Variants in GALNT13 observed in about 807,000 individuals in gnomAD.
The protein encoded by GALNT13 is polypeptide N-acetylgalactosaminyltransferase 13, also known as UDP-GalNAc:polypeptide N-acetylgalactosaminyltransferase 13.
A neutral mutation model predicts 64.2 loss-of-function variants in GALNT13; 28 were observed. The observed-to-expected ratio is 0.44, with a 90% confidence interval of 0.32 to 0.60. The LOEUF (loss-of-function observed/expected upper bound fraction) is 0.60. Ranked by LOEUF, GALNT13 falls within the 20% of genes least tolerant of loss-of-function variation. The pLI, the probability that GALNT13 is intolerant of heterozygous loss-of-function variation, is 0.05. For missense variants in GALNT13, 577 were observed against 669.8 expected (o/e 0.86, Z 1.53); for synonymous variants, 214 against 224.6 (o/e 0.95, Z 0.42).
At chr2:153,394,346 A>G in the GALNT13 span, among the ~76,000 whole-genome samples, 1 of 152,142 alleles carries the variant, frequency 6.6e-6, no homozygotes, top group Non-Finnish European at 1.5e-5. Context: ...TTTTCCTCCT[A>G]GGTTTTACAA....
intron 4 of GALNT13, among the ~76,000 whole-genome samples, chr2:154,232,665 C>T (rs1219956840): frequency 6.6e-6 from 1 of 151,936 alleles, no homozygotes; most frequent in Non-Finnish European, 1.5e-5. Flanking sequence ...GGGTTTGAAA[C>T]CCAGCTCCAC....
intron 9 of GALNT13, among the ~76,000 whole-genome samples, chr2:154,382,800 A>T (rs1390201043): frequency 1.0e-4 from 15 of 144,460 alleles, no homozygotes; most frequent in Middle Eastern, 3.5e-3. Context: ...TTTTTTTTTT[A>T]AATATAAGTT....
chr2:153,962,797 C>T (rs1245641467), intron 3 of GALNT13, among the ~76,000 whole-genome samples: 1 of 152,154 alleles, frequency 6.6e-6, no homozygotes, highest in Non-Finnish European at 1.5e-5. Context: ...CTAGGCAGCC[C>T]ATTCCTCCAC....
chr2:153,812,337 G>A, the GALNT13 span, among the ~76,000 whole-genome samples: 6 of 152,074 alleles, frequency 3.9e-5, no homozygotes, highest in Admixed American at 2.0e-4. Context: ...CAAAATTATG[G>A]AACAATTTGT....
At chr2:153,545,947 C>G in the GALNT13 span, among the ~76,000 whole-genome samples, 1 of 152,164 alleles carries the variant, frequency 6.6e-6, no homozygotes, top group South Asian at 2.1e-4. Flanking sequence ...GGTTCCAGAG[C>G]CCTGTAATGT....
the GALNT13 span, among the ~76,000 whole-genome samples, chr2:153,272,536 A>T: frequency 3.3e-5 from 5 of 152,318 alleles, no homozygotes; most frequent in Non-Finnish European, 7.3e-5. Context: ...GGTCATTAGG[A>T]GAAATGCAAA....
intron 3 of GALNT13, among the ~76,000 whole-genome samples, chr2:154,138,675 G>C (rs985729537): frequency 6.6e-6 from 1 of 150,724 alleles, no homozygotes; most frequent in African/African-American, 2.4e-5. Flanking sequence ...TCACAAAGAA[G>C]CCACATATAA....
At chr2:154,149,906 G>A (rs1201151906) in intron 4 of GALNT13, among the ~76,000 whole-genome samples, 1 of 152,110 alleles carries the variant, frequency 6.6e-6, no homozygotes, top group Non-Finnish European at 1.5e-5. Context: ...TTTCCTAATT[G>A]AATACCCTTT....
At chr2:153,930,938 A>T (rs563547128) in intron 2 of GALNT13, among the ~76,000 whole-genome samples, 2 of 152,042 alleles carry the variant, frequency 1.3e-5, no homozygotes, top group Non-Finnish European at 2.9e-5. Flanking sequence ...ATCAGTATTG[A>T]TTCTTCCTTC....
chr2:154,258,807 TAAA>T (rs556875567), intron 7 of GALNT13, among the ~76,000 whole-genome samples: 1 of 136,828 alleles, frequency 7.3e-6, no homozygotes, highest in Non-Finnish European at 1.6e-5. Flanking sequence ...TGATCACCTG[TAAA>T]AAAAAAAAAC....
chr2:153,607,726 A>T, the GALNT13 span, among the ~76,000 whole-genome samples: 1 of 152,052 alleles, frequency 6.6e-6, no homozygotes, highest in Admixed American at 6.6e-5. Context: ...TGTTTTTTTT[A>T]AACTTAATAA....
the GALNT13 span, among the ~76,000 whole-genome samples, chr2:153,505,668 A>G: frequency 7.9e-5 from 12 of 151,918 alleles, no homozygotes; most frequent in Non-Finnish European, 1.5e-5. Context: ...CATGGTTTTG[A>G]GGGTTTTGTT....
At chr2:153,636,690 C>T in the GALNT13 span, among the ~76,000 whole-genome samples, 1 of 152,082 alleles carries the variant, frequency 6.6e-6, no homozygotes, top group Non-Finnish European at 1.5e-5. Context: ...TCTAGTAGGG[C>T]CAGGGCTCTT....
At chr2:153,212,634 G>A in the GALNT13 span, among the ~76,000 whole-genome samples, 4 of 152,118 alleles carry the variant, frequency 2.6e-5, no homozygotes, top group African/African-American at 4.8e-5. Context: ...GCTAGAAAAT[G>A]CTATTTTTAA....
chr2:153,137,053 C>A, the GALNT13 span, among the ~76,000 whole-genome samples: 1 of 151,904 alleles, frequency 6.6e-6, no homozygotes, highest in Non-Finnish European at 1.5e-5. Context: ...AAGGAAATTT[C>A]CAAGAAAAGA....
the GALNT13 span, among the ~76,000 whole-genome samples, chr2:153,325,954 G>A: frequency 2.2e-4 from 34 of 152,140 alleles, no homozygotes; most frequent in African/African-American, 7.5e-4. Flanking sequence ...TATGTGGTGC[G>A]GAGAAGAATG....
intron 9 of GALNT13, among the ~76,000 whole-genome samples, chr2:154,392,848 C>G (rs374590430): frequency 6.5e-4 from 99 of 152,034 alleles, no homozygotes; most frequent in African/African-American, 2.3e-3. Context: ...GAGACTATTG[C>G]AATGCTAGTG....
At chr2:153,613,434 G>T in the GALNT13 span, among the ~76,000 whole-genome samples, 1 of 152,000 alleles carries the variant, frequency 6.6e-6, no homozygotes. Context: ...TTGTCTTTCT[G>T]TCAGATGCAA....
the GALNT13 span, among the ~76,000 whole-genome samples, chr2:153,756,145 G>A: frequency 2.0e-5 from 3 of 152,092 alleles, no homozygotes; most frequent in East Asian, 3.9e-4. Context: ...GAAATAAATA[G>A]CATTTAAGCA....
Sources: gnomAD v4.1 joint callset for allele counts (sites outside exome capture counted in the v4.1 genomes callset) on GRCh38, gnomAD v4.1.1 for gene constraint, MANE v1.5 for transcripts, NCBI Gene and HGNC (gene_info 2026-07-23, HGNC 2026-07-21) for gene names.